ZDHHC11: variants seen among roughly 807,000 people sequenced by gnomAD.
ZDHHC11 encodes the protein palmitoyltransferase ZDHHC11.
In ZDHHC11, 44 loss-of-function variants were observed where a neutral mutation model predicts 51.3. The ratio of observed to expected loss-of-function variants is 0.86; its 90% CI spans 0.67 to 1.10. The LOEUF is 1.10. Ranked by LOEUF, ZDHHC11 falls within the 50% of genes least tolerant of loss-of-function variation. The pLI, the probability that ZDHHC11 is intolerant of heterozygous loss-of-function variation, is 0.00. For synonymous variants in ZDHHC11, 163 were observed against 222.0 expected (o/e 0.73, Z 2.36); for missense variants, 400 against 537.7 (o/e 0.74, Z 2.53).
intron 3 of ZDHHC11, among the ~76,000 whole-genome samples, chr5:846,467 T>G (rs1746175340): frequency 6.6e-6 from 1 of 150,760 alleles, no homozygotes; most frequent in South Asian, 2.1e-4. Context: ...GAAACACCTC[T>G]CATCTATGAG....
Position 846,557 on chromosome 5 carries a change from T to C in ZDHHC11, c.503+957A>G, listed in dbSNP as rs1311492225. On this transcript the variant is annotated intron_variant, in intron 3 of 12. Coordinates refer to ENST00000283441, the MANE Select transcript of ZDHHC11 (RefSeq NM_024786.3). Reference sequence around the variant, plus strand: ...AGGGGAAACACGTCTCATCTGTGAGTCTCCACCGTGCTCAGGGGAAACACC... The same window carrying C: ...AGGGGAAACACGTCTCATCTGTGAGCCTCCACCGTGCTCAGGGGAAACACC... 9.8e-3 allele frequency among the ~76,000 whole-genome samples: 930 copies of C among 94,630 alleles called. 1 individual carries two copies. The highest frequency in any genetic ancestry group is 0.043 in the Middle Eastern group (6 of 138). The allele number at this position is 94,630 out of a possible 152,430, so 62.1% of individuals were successfully genotyped here. A position where few individuals can be genotyped will look rare whatever the true frequency, so the allele number is the denominator to read the frequency against.
chr5:857,977 A>G (rs866970764), intron 1 of ZDHHC11, among the ~76,000 whole-genome samples: 569 of 76,938 alleles, frequency 7.4e-3, no homozygotes, highest in African/African-American at 0.028. Flanking sequence ...TCCCCGTCCT[A>G]TCTTTATGAC....
chr5:822,283 T>G (rs1302030107), intron 8 of ZDHHC11, among the ~76,000 whole-genome samples: 1 of 151,088 alleles, frequency 6.6e-6, no homozygotes, highest in Non-Finnish European at 1.5e-5. Flanking sequence ...GGGAAGACTG[T>G]GAGAGGACAC....
At chr5:854,616 C>A (rs1747860977), upstream of ZDHHC11, among the ~76,000 whole-genome samples, 1 of 151,462 alleles carries the variant, frequency 6.6e-6, no homozygotes, top group East Asian at 2.0e-4. Flanking sequence ...TGGCACAGAC[C>A]CCACAGAGGA....
Position 801,817 on chromosome 5 carries a change from C to A in ZDHHC11, c.1182-653G>T, listed in dbSNP as rs577691344. On this transcript the variant is annotated intron_variant, in intron 11 of 12. Transcript: ENST00000283441. ...TTGCTTTGAAAGATTTTGAAAGACC[C>A]ACAAGCAAAATAGTCACTAGGAGAC... Among the ~76,000 whole-genome samples, 22 of 151,364 alleles carry A rather than the reference C, an allele frequency of 1.5e-4. 1 individual carries two copies. The highest frequency in any genetic ancestry group is 4.8e-4 in the African/African-American group (20 of 41,258).
chr5:802,814 A>T (rs1272413892), intron 11 of ZDHHC11, among the ~76,000 whole-genome samples: 1 of 111,406 alleles, frequency 9.0e-6, no homozygotes, highest in Non-Finnish European at 1.8e-5. Flanking sequence ...TCTACTAAAA[A>T]TACAAAAATA....
At chr5:833,891 T>A (rs1348683170) in intron 6 of ZDHHC11, 84 bp from the exon 7 acceptor site, 4 of 1,556,054 alleles carry the variant, frequency 2.6e-6, no homozygotes, top group Non-Finnish European at 3.5e-6. Context: ...ACGTCTATTA[T>A]TCCTGGGTTT....
At chr5:860,418 C>G (rs370527892), upstream of ZDHHC11, among the ~76,000 whole-genome samples, 3 of 152,204 alleles carry the variant, frequency 2.0e-5, no homozygotes, top group East Asian at 5.8e-4. The surrounding 1 kb of genome is among the most constrained non-coding windows in gnomAD (Gnocchi z 4.2). Context: ...CGTCCTGACA[C>G]CTGCAGGTAT....
chr5:824,916 G>A (rs1742109990), intron 8 of ZDHHC11, among the ~76,000 whole-genome samples: 1 of 151,588 alleles, frequency 6.6e-6, no homozygotes, highest in South Asian at 2.1e-4. Context: ...TGATGGTGGT[G>A]CTCCAGTGCT....
At chr5:860,189 G>A (rs1337266950), upstream of ZDHHC11, among the ~76,000 whole-genome samples, 1 of 152,214 alleles carries the variant, frequency 6.6e-6, no homozygotes, top group East Asian at 1.9e-4. This position sits in a 1 kb window ranked among gnomAD's most constrained non-coding sequence, Gnocchi z 4.2. Flanking sequence ...GGGCAGGGAA[G>A]CCTACCTGAC....
chr5:859,227 T>A (rs1323571223), upstream of ZDHHC11, among the ~76,000 whole-genome samples: 1 of 152,098 alleles, frequency 6.6e-6, no homozygotes, highest in African/African-American at 2.4e-5. Flanking sequence ...CCCCAATGCC[T>A]GCTTGTCGGC....
chr5:850,841 G>C lies in ZDHHC11; in HGVS notation c.-239C>G. 1.7e-6 allele frequency: 1 copy of C among 587,906 alleles called. No homozygotes were observed. Among genetic ancestry groups the C allele is most frequent in the East Asian group, 2.8e-5 (1 of 35,672 alleles). The allele number at this position is 587,906 out of a possible 1,614,324, so 36.4% of individuals were successfully genotyped here. On this transcript the variant is annotated 5_prime_UTR_variant, in exon 1 of 13. Coordinates refer to ENST00000283441, the MANE Select transcript of ZDHHC11 (RefSeq NM_024786.3). Reference sequence around the variant, plus strand: ...ATGCTGCAGAATGTGACCCCGGCCAGAGCCGAGTGGCAACGGAAAACGGCT... The same window carrying C: ...ATGCTGCAGAATGTGACCCCGGCCACAGCCGAGTGGCAACGGAAAACGGCT...
intron 5 of ZDHHC11, among the ~76,000 whole-genome samples, chr5:838,516 G>A (rs371198376): frequency 1.4e-4 from 22 of 152,088 alleles, no homozygotes; most frequent in East Asian, 1.2e-3. Flanking sequence ...CACAGGATGC[G>A]TCTCACCACA....
intron 12 of ZDHHC11, among the ~76,000 whole-genome samples, chr5:798,893 G>C: frequency 6.6e-6 from 1 of 152,176 alleles, no homozygotes; most frequent in East Asian, 1.9e-4. Flanking sequence ...AAATGATAAA[G>C]AGCATGCAAA....
chr5:807,225 T>C (rs1181781450), intron 11 of ZDHHC11, among the ~76,000 whole-genome samples: 2 of 146,016 alleles, frequency 1.4e-5, no homozygotes, highest in African/African-American at 5.0e-5. Flanking sequence ...AGATTCCAGA[T>C]ACTACATACA....
chr5:798,206 A>G (rs426382), intron 12 of ZDHHC11, among the ~76,000 whole-genome samples: 1 of 148,396 alleles, frequency 6.7e-6, no homozygotes, highest in South Asian at 2.1e-4. Flanking sequence ...TTGATCTTCC[A>G]TTTGTATCTC....
At chr5:840,733 T>C in intron 4 of ZDHHC11, 83 bp from the exon 5 acceptor site, 1 of 1,595,060 alleles carries the variant, frequency 6.3e-7, no homozygotes, top group Non-Finnish European at 8.5e-7. Context: ...CAGAGCGTGC[T>C]GGGGATGGGG....
At chr5:807,844 T>C (rs1391442762) in intron 11 of ZDHHC11, among the ~76,000 whole-genome samples, 1 of 151,544 alleles carries the variant, frequency 6.6e-6, no homozygotes, top group Non-Finnish European at 1.5e-5. Context: ...TGCCAATTAG[T>C]TTCTGATCAC....
At chr5:819,310 C>T (rs566049934) in intron 10 of ZDHHC11, among the ~76,000 whole-genome samples, 26 of 151,530 alleles carry the variant, frequency 1.7e-4, no homozygotes, top group African/African-American at 2.7e-4. Context: ...CTTTGGTACC[C>T]GTCTGTCTCT....
Sources: allele counts gnomAD v4.1 joint callset (sites outside exome capture counted in the v4.1 genomes callset), GRCh38; gene constraint gnomAD v4.1.1; non-coding constraint Gnocchi (gnomAD v3.1); transcripts MANE v1.5; gene names NCBI Gene and HGNC (gene_info 2026-07-23, HGNC 2026-07-21).